Variants in IMMP2L observed in about 807,000 individuals in gnomAD.
IMMP2L encodes the protein mitochondrial inner membrane protease subunit 2.
In IMMP2L, 18 loss-of-function variants were observed where a neutral mutation model predicts 19.3. That is an observed-to-expected ratio of 0.93 (90% CI 0.64 to 1.38). IMMP2L has a LOEUF of 1.38. IMMP2L is among the 40% of genes most tolerant of loss of function. IMMP2L has a pLI of 0.00. For synonymous variants in IMMP2L, 76 were observed against 73.0 expected (o/e 1.04, Z -0.21); for missense variants, 233 against 218.2 (o/e 1.07, Z -0.43).
chr7:110,746,209 T>TC (rs1797334850), intron 5 of IMMP2L, among the ~76,000 whole-genome samples: 1 of 152,118 alleles, frequency 6.6e-6, no homozygotes, highest in African/African-American at 2.4e-5. Flanking sequence ...GAGCTAAGTA[T>TC]CCTAAATATA....
chr7:111,465,723 G>A (rs1253291711), intron 3 of IMMP2L, among the ~76,000 whole-genome samples: 1 of 151,996 alleles, frequency 6.6e-6, no homozygotes, highest in African/African-American at 2.4e-5. Flanking sequence ...TTACACTGTT[G>A]GTGGGACTGT....
intron 3 of IMMP2L, among the ~76,000 whole-genome samples, chr7:111,264,647 A>G (rs1817650067): frequency 6.6e-6 from 1 of 151,686 alleles, no homozygotes; most frequent in East Asian, 1.9e-4. Flanking sequence ...GTTGCAGGGA[A>G]GATTAGACGG....
intron 5 of IMMP2L, among the ~76,000 whole-genome samples, chr7:110,697,434 A>G (rs1793972390): frequency 6.6e-6 from 1 of 152,238 alleles, no homozygotes; most frequent in Non-Finnish European, 1.5e-5. Context: ...AGGAATCTCC[A>G]ATAGAATCAC....
At chr7:111,429,001 T>C (rs1836364201) in intron 3 of IMMP2L, among the ~76,000 whole-genome samples, 1 of 151,808 alleles carries the variant, frequency 6.6e-6, no homozygotes, top group African/African-American at 2.4e-5. Flanking sequence ...GCTAGGTGGA[T>C]GGGAGGTGGG....
At chr7:111,411,574 G>A (rs1016164575) in intron 3 of IMMP2L, 2 of 324,386 alleles carry the variant, frequency 6.2e-6, no homozygotes, top group South Asian at 6.1e-5. Context: ...TCCTTCAACA[G>A]GCTGATTTAG....
intron 5 of IMMP2L, among the ~76,000 whole-genome samples, chr7:110,814,094 C>T (rs146242960): frequency 1.3e-3 from 194 of 152,046 alleles, no homozygotes; most frequent in African/African-American, 4.3e-3. Context: ...GCTCTCTCTG[C>T]TTGTGAACAT....
At chr7:111,359,387 C>T (rs181895744) in intron 3 of IMMP2L, among the ~76,000 whole-genome samples, 2 of 152,056 alleles carry the variant, frequency 1.3e-5, no homozygotes, top group Non-Finnish European at 2.9e-5. Flanking sequence ...CTGCAACTTC[C>T]ACCTCCCAGG....
intron 5 of IMMP2L, among the ~76,000 whole-genome samples, chr7:110,833,042 G>C (rs570000547): frequency 6.6e-6 from 1 of 152,256 alleles, no homozygotes; most frequent in East Asian, 1.9e-4. Flanking sequence ...GTAATTAATT[G>C]TCATATTATG....
At chr7:111,188,715 G>A (rs1808542668) in intron 3 of IMMP2L, among the ~76,000 whole-genome samples, 1 of 152,054 alleles carries the variant, frequency 6.6e-6, no homozygotes, top group South Asian at 2.1e-4. Context: ...GCTAGTACAG[G>A]TAAACTGTTA....
In IMMP2L at chr7:110,803,631, G is replaced by C. The variant is rs546027045; in HGVS notation, c.408+82962C>G. 6.6e-6 allele frequency among the ~76,000 whole-genome samples: 1 copy of C among 152,114 alleles called. No homozygotes were observed. Among genetic ancestry groups the C allele is most frequent in the African/African-American group, 2.4e-5 (1 of 41,536 alleles). ...CCTACCTCTGCTGTGGTTAGTCATT[G>C]GATGGGGGGAGCTCCAGAAATGGGA... On this transcript the variant is annotated intron_variant, in intron 5 of 5. Transcript: ENST00000405709. This position sits in a 1 kb window ranked among gnomAD's most constrained non-coding sequence, Gnocchi z 4.2.
At chr7:111,504,174 A>G (rs1484953171) in intron 2 of IMMP2L, among the ~76,000 whole-genome samples, 1 of 152,118 alleles carries the variant, frequency 6.6e-6, no homozygotes, top group Non-Finnish European at 1.5e-5. Flanking sequence ...TTATACACCA[A>G]TAACAGACAA....
intron 4 of IMMP2L, among the ~76,000 whole-genome samples, chr7:110,957,229 G>A (rs1818443790): frequency 6.6e-6 from 1 of 151,788 alleles, no homozygotes; most frequent in African/African-American, 2.4e-5. Flanking sequence ...AAATTCAGCT[G>A]AATTCTCTGA....
At chr7:110,782,753 C>T (rs1799821053) in intron 5 of IMMP2L, among the ~76,000 whole-genome samples, 1 of 151,862 alleles carries the variant, frequency 6.6e-6, no homozygotes, top group Non-Finnish European at 1.5e-5. Flanking sequence ...AAACTCTTTG[C>T]TTAGAGGTCA....
chr7:111,115,734 C>T (rs976013575), intron 3 of IMMP2L, among the ~76,000 whole-genome samples: 5 of 152,100 alleles, frequency 3.3e-5, no homozygotes, highest in Non-Finnish European at 7.4e-5. Flanking sequence ...CTGGCACCAT[C>T]TGGGCTCACT....
intron 5 of IMMP2L, among the ~76,000 whole-genome samples, chr7:110,748,236 A>T (rs1217831573): frequency 3.9e-5 from 6 of 152,220 alleles, no homozygotes; most frequent in South Asian, 2.1e-4. Context: ...CACTGCTCAA[A>T]GAAATAAGAG....
At chr7:110,819,457 A>G (rs573060719) in intron 5 of IMMP2L, among the ~76,000 whole-genome samples, 18 of 152,040 alleles carry the variant, frequency 1.2e-4, no homozygotes, top group Non-Finnish European at 2.5e-4. Context: ...AACTCCCAGG[A>G]TGTCTAATTA....
intron 3 of IMMP2L, among the ~76,000 whole-genome samples, chr7:111,203,713 A>G (rs190716294): frequency 6.6e-6 from 1 of 152,038 alleles, no homozygotes; most frequent in East Asian, 1.9e-4. Context: ...CATTTTCTGG[A>G]GGAAGGGACA....
intron 5 of IMMP2L, among the ~76,000 whole-genome samples, chr7:110,797,471 T>C (rs1800938455): frequency 6.6e-6 from 1 of 152,032 alleles, no homozygotes; most frequent in Non-Finnish European, 1.5e-5. Flanking sequence ...TTCTCCCTGA[T>C]GTAATTAACC....
intron 3 of IMMP2L, among the ~76,000 whole-genome samples, chr7:111,050,051 G>T (rs1358409716): frequency 3.3e-5 from 5 of 152,142 alleles, no homozygotes; most frequent in Non-Finnish European, 1.5e-5. Context: ...ATTTTGAGGA[G>T]GCACAGTCTC....
Sources: allele counts gnomAD v4.1 joint callset (sites outside exome capture counted in the v4.1 genomes callset), GRCh38; gene constraint gnomAD v4.1.1; non-coding constraint Gnocchi (gnomAD v3.1); transcripts MANE v1.5; gene names NCBI Gene and HGNC (gene_info 2026-07-23, HGNC 2026-07-21).